MYO5A: variants seen among roughly 807,000 people sequenced by gnomAD.
MYO5A encodes the protein unconventional myosin-Va.
A neutral mutation model predicts 249.7 loss-of-function variants in MYO5A; 98 were observed. The observed-to-expected ratio is 0.39, with a 90% CI of 0.33 to 0.46. The LOEUF is 0.46. Among genes scored for constraint, MYO5A ranks in the 20% least tolerant of loss-of-function variants. MYO5A has a pLI of 0.98. For missense variants in MYO5A, 1,696 were observed against 2,308.8 expected (o/e 0.73, Z 5.44); for synonymous variants, 778 against 810.6 (o/e 0.96, Z 0.68).
chr15:52,373,787 T>C (rs1193226450), intron 20 of MYO5A, among the ~76,000 whole-genome samples: 1 of 152,048 alleles, frequency 6.6e-6, no homozygotes, highest in Non-Finnish European at 1.5e-5. Flanking sequence ...ACTTCAAACC[T>C]CTTTCCTCCC....
intron 2 of MYO5A, among the ~76,000 whole-genome samples, chr15:52,431,573 C>T (rs1324199678): frequency 6.6e-6 from 1 of 151,670 alleles, no homozygotes; most frequent in Admixed American, 6.6e-5. Context: ...ATGAGCACAC[C>T]TAGTGCTCAG....
intron 24 of MYO5A, among the ~76,000 whole-genome samples, chr15:52,362,323 G>A (rs2040574311): frequency 6.6e-6 from 1 of 152,194 alleles, no homozygotes; most frequent in Admixed American, 6.5e-5. Flanking sequence ...GAAGCAGTGA[G>A]AGTGTCATTT....
At chr15:52,384,135 T>C (rs757157616) in intron 15 of MYO5A, 26 bp downstream of exon 15, 1 of 1,613,654 alleles carries the variant, frequency 6.2e-7, no homozygotes, top group African/African-American at 1.3e-5. Flanking sequence ...GGAAGGAGCG[T>C]GGCAGCGGCA....
chr15:52,492,264 C>T (rs2076950210), intron 1 of MYO5A, among the ~76,000 whole-genome samples: 2 of 152,146 alleles, frequency 1.3e-5, no homozygotes, highest in South Asian at 2.1e-4. Flanking sequence ...AGATTTATTA[C>T]AGCAAAAAGA....
chr15:52,458,616 TC>T lies in MYO5A; in HGVS notation c.28-25332del, dbSNP rs374301276. Among the ~76,000 whole-genome samples, 67 of 149,368 alleles carry T rather than the reference TC, an allele frequency of 4.5e-4. 1 individual carries two copies. The East Asian group carries it at 7.0e-3, about 16-fold the overall frequency. ...GCCCTGCACAAAGCAAGATTCTGTCTCAAAAAAAAAAGAAAAATAATAAAAA... is the reference window on the plus strand; with the variant it reads ...GCCCTGCACAAAGCAAGATTCTGTCTAAAAAAAAAAGAAAAATAATAAAAA... On this transcript the variant is annotated intron_variant, in intron 1 of 41. Coordinates refer to ENST00000399233, the MANE Select transcript of MYO5A (RefSeq NM_001382347.1).
At chr15:52,397,708 T>C (rs529167836) in intron 9 of MYO5A, among the ~76,000 whole-genome samples, 7 of 152,316 alleles carry the variant, frequency 4.6e-5, no homozygotes, top group Admixed American at 3.3e-4. Context: ...TGACTCTTCA[T>C]AGTATTTGTT....
chr15:52,485,677 G>T (rs748717615), intron 1 of MYO5A, among the ~76,000 whole-genome samples: 5 of 152,164 alleles, frequency 3.3e-5, no homozygotes, highest in Non-Finnish European at 7.4e-5. Flanking sequence ...AGCCAGAAAG[G>T]AGTGGGTTTT....
rs369584772 is a variant in MYO5A at position 52,317,191 on chromosome 15, G to A, written c.5266C>T (p.Arg1756Cys). The change falls in exon 40 of 42, where the codon CGT becomes TGT. Residue 1756 changes from arginine to cysteine, a missense_variant. This residue lies in a region of MYO5A where 625 missense variants were observed against 908.1 expected (regional missense o/e 0.69). Transcript: ENST00000399233. The stretch of plus-strand genomic sequence containing the variant: ...CCACTATTCATCAGATTCTTGTCAC[G>A]CAGCCATTCTTCCAGTTGACTGACA... Reference protein sequence around the residue: ...YNVSQLEEWLRDKNLMNSGAK... With the variant: ...YNVSQLEEWLCDKNLMNSGAK... 18 of 1,613,796 alleles carry A rather than the reference G, an allele frequency of 1.1e-5. No homozygotes were observed. The highest frequency in any genetic ancestry group is 6.7e-5 in the African/African-American group (5 of 74,848).
At position 52,353,834 on chromosome 15, in the gene MYO5A, C is replaced by A. The variant is rs556127899; in HGVS notation, c.3567+37G>T. The A allele has an allele frequency of 6.8e-5, 110 of 1,611,518 alleles. 2 individuals carry two copies. In the South Asian group the frequency reaches 1.1e-3, roughly 16 times the overall value. On this transcript the variant is annotated intron_variant, in intron 26 of 41. Coordinates refer to ENST00000399233, the MANE Select transcript of MYO5A (RefSeq NM_001382347.1). ...AGAGACTGCTGAAATGGACATAAAG[C>A]CCAGCTTCAGCTCTGCGGATGGGCT...
chr15:52,454,976 C>T lies in MYO5A; in HGVS notation c.28-21691G>A, dbSNP rs2076090376. Among the ~76,000 whole-genome samples, 4 of 150,792 alleles carry T rather than the reference C, an allele frequency of 2.7e-5. No homozygotes were observed. In the South Asian group the frequency reaches 8.4e-4, roughly 32 times the overall value. ...GTAGAGGAAAAGAAATAATAAAGAC[C>T]AGAGCAGAAATAAATGAAATTGAAA... On this transcript the variant is annotated intron_variant, in intron 1 of 41. Coordinates refer to ENST00000399233, the MANE Select transcript of MYO5A (RefSeq NM_001382347.1).
Position 52,383,190 on chromosome 15 carries a change from T to C in MYO5A, c.1915-2A>G. 1 of 1,611,062 alleles carries C rather than the reference T, an allele frequency of 6.2e-7. No homozygotes were observed. Among genetic ancestry groups the C allele is most frequent in the Non-Finnish European group, 8.5e-7 (1 of 1,177,250 alleles). On this transcript the variant is annotated splice_acceptor_variant, in intron 15 of 41. Coordinates refer to ENST00000399233, the MANE Select transcript of MYO5A (RefSeq NM_001382347.1). LOFTEE classifies it high-confidence loss of function. ...AAGCAGGTGCAGGGAGTTTCTGAAC[T>C]GCATGAAAAAGGGCAGAAGAGGGTA...
At chr15:52,393,848 C>T (rs1223222155) in intron 11 of MYO5A, among the ~76,000 whole-genome samples, 1 of 152,194 alleles carries the variant, frequency 6.6e-6, no homozygotes, top group African/African-American at 2.4e-5. Flanking sequence ...CAGCAGGACA[C>T]CCTGACTGAT....
chr15:52,326,731 ATTTT>A (rs199662491), intron 36 of MYO5A, among the ~76,000 whole-genome samples: 1 of 151,752 alleles, frequency 6.6e-6, no homozygotes. Context: ...GTTTTACCTA[ATTTT>A]TTTTTAAGTT....
chr15:52,369,471 G>C (rs1171161604), intron 22 of MYO5A, among the ~76,000 whole-genome samples: 2 of 152,176 alleles, frequency 1.3e-5, no homozygotes, highest in East Asian at 3.9e-4. Context: ...ATAAAGTTTT[G>C]ATATGTTAAT....
At chr15:52,330,538 A>G (rs374004956) in intron 34 of MYO5A, 39 bp from the exon 35 acceptor site, 2 of 1,612,376 alleles carry the variant, frequency 1.2e-6, no homozygotes, top group African/African-American at 2.7e-5. Context: ...AATGTTTTCC[A>G]TATAAAAAAC....
chr15:52,373,621 C>T (rs538178262), intron 20 of MYO5A, among the ~76,000 whole-genome samples: 6 of 152,266 alleles, frequency 3.9e-5, no homozygotes, highest in African/African-American at 1.2e-4. Flanking sequence ...CAAGCCTCTA[C>T]GCTACCACCT....
At chr15:52,505,977 G>C in intron 1 of MYO5A, 1 of 886,686 alleles carries the variant, frequency 1.1e-6, no homozygotes, top group Non-Finnish European at 1.7e-6. Flanking sequence ...ACTTTGGGAG[G>C]CTGAGGAGGG....
intron 9 of MYO5A, among the ~76,000 whole-genome samples, chr15:52,401,074 C>CTTTT (rs61604681): frequency 4.4e-5 from 6 of 136,062 alleles, no homozygotes; most frequent in South Asian, 2.3e-4. Context: ...TTCTCATAAG[C>CTTTT]TTTTTTTTTT....
chr15:52,411,419 C>T (rs1260642498), intron 5 of MYO5A, among the ~76,000 whole-genome samples: 1 of 151,982 alleles, frequency 6.6e-6, no homozygotes, highest in Non-Finnish European at 1.5e-5. Flanking sequence ...AAAATATCTG[C>T]TACAGAATAC....
Sources: gnomAD v4.1 joint callset for allele counts (sites outside exome capture counted in the v4.1 genomes callset) on GRCh38, gnomAD v4.1.1 for gene constraint, gnomAD v4.1.1 regional missense constraint, MANE v1.5 for transcripts, NCBI Gene and HGNC (gene_info 2026-07-23, HGNC 2026-07-21) for gene names.